The following TOPAZ1 variants were observed in gnomAD, a reference collection of about 807,000 sequenced individuals.
TOPAZ1 encodes protein TOPAZ1.
In TOPAZ1, 66 loss-of-function variants were observed where a neutral mutation model predicts 172.2. The observed-to-expected ratio is 0.38, with a 90% CI of 0.31 to 0.47. The LOEUF is 0.47. Ranked by LOEUF, TOPAZ1 falls within the 20% of genes least tolerant of loss-of-function variation. TOPAZ1 has a pLI of 0.99. For missense variants in TOPAZ1, 1,822 were observed against 1,972.4 expected (o/e 0.92, Z 1.44); for synonymous variants, 681 against 683.9 (o/e 1.00, Z 0.07).
intron 12 of TOPAZ1, among the ~76,000 whole-genome samples, chr3:44,298,271 C>T (rs1700221899): frequency 6.6e-6 from 1 of 152,070 alleles, no homozygotes; most frequent in Admixed American, 6.5e-5. Context: ...CGAGGCCAGC[C>T]TGGGCAACGT....
chr3:44,290,039 A>T (rs937859203), intron 11 of TOPAZ1, among the ~76,000 whole-genome samples: 5 of 152,106 alleles, frequency 3.3e-5, no homozygotes, highest in African/African-American at 4.8e-5. Flanking sequence ...TTATGGAGGT[A>T]TTGGAGGACC....
intron 8 of TOPAZ1, among the ~76,000 whole-genome samples, chr3:44,273,446 C>G (rs1388127369): frequency 6.6e-6 from 1 of 152,182 alleles, no homozygotes; most frequent in Non-Finnish European, 1.5e-5. Flanking sequence ...CCTCTTTACA[C>G]TATATTCTCT....
intron 9 of TOPAZ1, among the ~76,000 whole-genome samples, chr3:44,283,271 A>G (rs1700042470): frequency 6.6e-6 from 1 of 152,184 alleles, no homozygotes. Flanking sequence ...AAAAACTTAG[A>G]TCAGTGGGAA....
intron 2 of TOPAZ1, among the ~76,000 whole-genome samples, chr3:44,252,406 T>C (rs550773980): frequency 7.2e-5 from 11 of 152,248 alleles, no homozygotes; most frequent in African/African-American, 1.7e-4. Flanking sequence ...GAAATAGAAA[T>C]TGATCTGCCA....
intron 8 of TOPAZ1, among the ~76,000 whole-genome samples, chr3:44,271,697 T>C (rs1184413686): frequency 3.3e-5 from 5 of 152,208 alleles, no homozygotes; most frequent in African/African-American, 1.2e-4. Flanking sequence ...TGATATGGAA[T>C]AATTAAATCA....
intron 9 of TOPAZ1, among the ~76,000 whole-genome samples, chr3:44,284,319 C>G (rs983178727): frequency 6.6e-6 from 1 of 152,096 alleles, no homozygotes; most frequent in African/African-American, 2.4e-5. Flanking sequence ...TACTTTCTGG[C>G]TCTATGAATT....
chr3:44,255,137 G>T, intron 3 of TOPAZ1, 108 bp downstream of exon 3: 1 of 723,730 alleles, frequency 1.4e-6, no homozygotes, highest in Non-Finnish European at 2.3e-6. Context: ...TCATTTTAGG[G>T]TCTGTTGACC....
chr3:44,278,129 G>T (rs1238012207), intron 8 of TOPAZ1, among the ~76,000 whole-genome samples: 1 of 152,162 alleles, frequency 6.6e-6, no homozygotes, highest in African/African-American at 2.4e-5. Flanking sequence ...TGCATTTATT[G>T]AGATGATCAT....
chr3:44,269,471 C>CTTT lies in TOPAZ1; in HGVS notation c.3246+199_3246+201dup, dbSNP rs71085612. ...CCTTTTGATTGTATTTCCCTATCAT[C>CTTT]TTTTTTTTTTTTTTTTTTTTTTTTT... On this transcript the variant is annotated intron_variant, in intron 7 of 19. Coordinates refer to ENST00000309765, the MANE Select transcript of TOPAZ1 (RefSeq NM_001145030.2). Among the ~76,000 whole-genome samples the CTTT allele has an allele frequency of 4.7e-3, 159 of 33,936 alleles. 12 individuals carry two copies. Among genetic ancestry groups the CTTT allele is most frequent in the African/African-American group, 9.8e-3 (60 of 6,122 alleles). 22.3% of individuals were successfully genotyped at this position (33,936 alleles called of 152,430 possible). A position where few individuals can be genotyped will look rare whatever the true frequency, so the allele number is the denominator to read the frequency against.
At position 44,269,477 on chromosome 3, in the gene TOPAZ1, T is replaced by G. The variant is rs909408703; in HGVS notation, c.3246+176T>G. Among the ~76,000 whole-genome samples, 4 of 120,680 alleles carry G rather than the reference T, an allele frequency of 3.3e-5. No homozygotes were observed. The East Asian group carries it at 8.9e-4, about 27-fold the overall frequency. The allele number at this position is 120,680 out of a possible 152,430, so 79.2% of individuals were successfully genotyped here. ...GATTGTATTTCCCTATCATCTTTTTTTTTTTTTTTTTTTTTTTTTTTTTTT... is the reference window on the plus strand; with the variant it reads ...GATTGTATTTCCCTATCATCTTTTTGTTTTTTTTTTTTTTTTTTTTTTTTT... On this transcript the variant is annotated intron_variant, in intron 7 of 19. Transcript: ENST00000309765.
chr3:44,305,354 A>G (rs1043005490), intron 14 of TOPAZ1, 33 bp downstream of exon 14: 6 of 1,483,986 alleles, frequency 4.0e-6, no homozygotes, highest in Non-Finnish European at 3.6e-6. Context: ...AATATTGTGT[A>G]TGAGGATGGT....
At chr3:44,313,749 T>C (rs1408779882) in intron 16 of TOPAZ1, among the ~76,000 whole-genome samples, 3 of 152,206 alleles carry the variant, frequency 2.0e-5, no homozygotes, top group Non-Finnish European at 1.5e-5. Flanking sequence ...TTCCAGATGT[T>C]AGTGCCTGAT....
chr3:44,268,954 T>C (rs1384847538), intron 6 of TOPAZ1, among the ~76,000 whole-genome samples: 1 of 152,176 alleles, frequency 6.6e-6, no homozygotes, highest in Non-Finnish European at 1.5e-5. Context: ...CCAATGCTGC[T>C]ATGTGAGGTT....
chr3:44,257,142 A>G (rs1030572693), intron 4 of TOPAZ1, among the ~76,000 whole-genome samples: 13 of 151,984 alleles, frequency 8.6e-5, no homozygotes, highest in Non-Finnish European at 1.0e-4. Flanking sequence ...CAGCTTGAGC[A>G]ACATAGTGAG....
chr3:44,268,363 A>ATTTTTTTTTTTTTTTTTT (rs1293339613), intron 6 of TOPAZ1, among the ~76,000 whole-genome samples: 5 of 91,758 alleles, frequency 5.4e-5, no homozygotes, highest in Non-Finnish European at 1.1e-4. Flanking sequence ...TGTGGTGCCT[A>ATTTTTTTTTTTTTTTTTT]TTCTTTTTTT....
chr3:44,243,675 C>A lies in TOPAZ1; in HGVS notation c.1169C>A (p.Ser390Tyr), dbSNP rs868521121. ...AGAAAAGTAAGCCATAATACAGTCT[C>A]TTTGATGGATCATTTATTAAGTGTC... The part of the protein sequence containing the change: ...VLRKVSHNTV[S>Y]LMDHLLSVPE... The change falls in exon 2 of 20, where the codon TCT (serine) becomes TAT (tyrosine). Residue 390 changes from serine (S) to tyrosine (Y), a missense_variant. Physicochemically the swap from Ser to Tyr is moderately radical, Grantham distance 144 (BLOSUM62 -2). This residue lies in a region of TOPAZ1 where 1,489 missense variants were observed against 1,490.8 expected (regional missense o/e 1.00). Transcript: ENST00000309765. 6.5e-7 allele frequency: 1 copy of A among 1,550,088 alleles called. No individual in the cohort carries two copies. The highest frequency in any genetic ancestry group is 1.4e-5 in the African/African-American group (1 of 72,968).
intron 9 of TOPAZ1, among the ~76,000 whole-genome samples, chr3:44,285,857 C>A (rs548376250): frequency 2.7e-3 from 415 of 151,992 alleles, no homozygotes; most frequent in Middle Eastern, 6.8e-3. Flanking sequence ...TGCGAGCCAC[C>A]ACGCCTGGCC....
chr3:44,275,695 T>G (rs1207209491), intron 8 of TOPAZ1, among the ~76,000 whole-genome samples: 1 of 152,092 alleles, frequency 6.6e-6, no homozygotes, highest in Non-Finnish European at 1.5e-5. Context: ...TACTAATTTT[T>G]TTTTCTTTGG....
In TOPAZ1 at chr3:44,310,004, T is replaced by C. The variant is rs1700380614; in HGVS notation, c.4306+14T>C. 7.2e-6 allele frequency: 11 copies of C among 1,529,750 alleles called. No individual in the cohort carries two copies. Among genetic ancestry groups the C allele is most frequent in the Non-Finnish European group, 8.8e-6 (10 of 1,140,512 alleles). 94.8% of individuals were successfully genotyped at this position (1,529,750 alleles called of 1,614,324 possible). On this transcript the variant is annotated intron_variant, in intron 16 of 19. Transcript: ENST00000309765. ...GGGTAATGAGGGGTAAGTCCTGATA[T>C]ATGCAAGCATAAAATAATTCGTTAT...
Sources: gnomAD v4.1 joint callset for allele counts (sites outside exome capture counted in the v4.1 genomes callset) on GRCh38, gnomAD v4.1.1 for gene constraint, gnomAD v4.1.1 regional missense constraint, MANE v1.5 for transcripts, NCBI Gene and HGNC (gene_info 2026-07-23, HGNC 2026-07-21) for gene names.